PTPRD: variants seen among roughly 807,000 people sequenced by gnomAD.
The protein encoded by PTPRD is protein tyrosine phosphatase receptor type D, also known as receptor-type tyrosine-protein phosphatase delta.
PTPRD carries 34 observed loss-of-function variants against 214.5 expected under a neutral mutation model. The observed-to-expected ratio is 0.16, with a 90% CI of 0.12 to 0.21. PTPRD has a LOEUF of 0.21. Ranked by LOEUF, PTPRD falls within the 10% of genes least tolerant of loss-of-function variation. The pLI, the probability that PTPRD is intolerant of heterozygous loss-of-function variation, is 1.00. For synonymous variants in PTPRD, 1,128 were observed against 845.7 expected (o/e 1.33, Z -5.79); for missense variants, 2,545 against 2,398.7 (o/e 1.06, Z -1.27).
rs191156158 is a variant in PTPRD, at chr9:8,676,194, T to G, written c.65-39350A>C. 4.6e-5 allele frequency among the ~76,000 whole-genome samples: 7 copies of G among 152,266 alleles called. No homozygotes were observed. In the East Asian group the frequency reaches 1.4e-3, roughly 29 times the overall value. Reference sequence around the variant, plus strand: ...GTTTGCCTAGCTCACTTTCTAGACCTCCTTTAAGCATCACCTTCTTCATGA... The same window carrying G: ...GTTTGCCTAGCTCACTTTCTAGACCGCCTTTAAGCATCACCTTCTTCATGA... On this transcript the variant is annotated intron_variant, in intron 12 of 45. Transcript: ENST00000381196.
At chr9:8,458,058 G>A (rs2096266903) in intron 33 of PTPRD, among the ~76,000 whole-genome samples, 1 of 152,090 alleles carries the variant, frequency 6.6e-6, no homozygotes, top group Non-Finnish European at 1.5e-5. Flanking sequence ...TTTCAGAAAT[G>A]CTTCATGGGC....
chr9:9,011,799 C>T (rs529067724), intron 11 of PTPRD, among the ~76,000 whole-genome samples: 19 of 152,282 alleles, frequency 1.2e-4, no homozygotes, highest in African/African-American at 4.1e-4. Flanking sequence ...AGGGAAGGCC[C>T]TGGCACTGGT....
At chr9:10,149,566 G>T (rs1045841127) in intron 3 of PTPRD, among the ~76,000 whole-genome samples, 8 of 152,154 alleles carry the variant, frequency 5.3e-5, no homozygotes, top group African/African-American at 1.9e-4. Flanking sequence ...TCGTACTCCT[G>T]CCTAGTCCCC....
chr9:8,926,301 C>A (rs2098891762), intron 11 of PTPRD, among the ~76,000 whole-genome samples: 1 of 152,042 alleles, frequency 6.6e-6, no homozygotes, highest in East Asian at 1.9e-4. Context: ...GTATAGGTTG[C>A]CTATTACACA....
At chr9:8,534,093 T>C (rs1196981036) in intron 14 of PTPRD, among the ~76,000 whole-genome samples, 1 of 152,048 alleles carries the variant, frequency 6.6e-6, no homozygotes, top group African/African-American at 2.4e-5. Context: ...GCAAGTGATT[T>C]TCCTTCCATT....
intron 14 of PTPRD, among the ~76,000 whole-genome samples, chr9:8,622,285 T>C (rs986851975): frequency 6.6e-6 from 1 of 151,952 alleles, no homozygotes; most frequent in Admixed American, 6.6e-5. Flanking sequence ...ACAATTTTTC[T>C]CTCAGAACAT....
At chr9:8,326,158 G>C (rs1833507852) in intron 44 of PTPRD, among the ~76,000 whole-genome samples, 1 of 152,222 alleles carries the variant, frequency 6.6e-6, no homozygotes, top group African/African-American at 2.4e-5. Flanking sequence ...ACTTTTCAAA[G>C]GGAGTGCTTC....
intron 8 of PTPRD, among the ~76,000 whole-genome samples, chr9:9,486,496 T>C (rs926031000): frequency 1.3e-5 from 2 of 152,202 alleles, no homozygotes; most frequent in Non-Finnish European, 2.9e-5. Context: ...TTTAGACACA[T>C]ACACTCTTAT....
intron 11 of PTPRD, among the ~76,000 whole-genome samples, chr9:8,895,027 A>G (rs1203737626): frequency 6.6e-6 from 1 of 152,224 alleles, no homozygotes; most frequent in African/African-American, 2.4e-5. Flanking sequence ...TATTGTCACA[A>G]GCTTTATCTT....
chr9:8,948,437 T>TTATATATA (rs1343672112), intron 11 of PTPRD, among the ~76,000 whole-genome samples: 1 of 20,110 alleles, frequency 5.0e-5, no homozygotes, highest in Non-Finnish European at 8.4e-5. Context: ...ATATATATAT[T>TTATATATA]TACATATATA....
chr9:10,022,449 C>T (rs2154119784), intron 4 of PTPRD, among the ~76,000 whole-genome samples: 1 of 151,392 alleles, frequency 6.6e-6, no homozygotes, highest in East Asian at 2.0e-4. Context: ...CAGAGAATCA[C>T]TTTCCCTTTC....
chr9:10,601,854 T>G (rs911009865), intron 2 of PTPRD, among the ~76,000 whole-genome samples: 1 of 151,764 alleles, frequency 6.6e-6, no homozygotes, highest in Non-Finnish European at 1.5e-5. Flanking sequence ...GCATATTTTC[T>G]ACTCCTTAAT....
At chr9:8,385,198 G>A (rs185615434) in intron 37 of PTPRD, among the ~76,000 whole-genome samples, 6 of 152,240 alleles carry the variant, frequency 3.9e-5, no homozygotes, top group Middle Eastern at 6.8e-3. Context: ...TAATACAAGC[G>A]CTGTTGATAA....
At chr9:9,228,725 G>T (rs893978725) in intron 9 of PTPRD, among the ~76,000 whole-genome samples, 1 of 152,098 alleles carries the variant, frequency 6.6e-6, no homozygotes, top group Non-Finnish European at 1.5e-5. Flanking sequence ...ACGTCATTAT[G>T]TATTTCAAAT....
intron 11 of PTPRD, among the ~76,000 whole-genome samples, chr9:8,735,974 T>A (rs1475154429): frequency 6.6e-6 from 1 of 150,794 alleles, no homozygotes. Context: ...GAGCCTTGGA[T>A]GGCGATCTAA....
chr9:9,241,510 G>C (rs1336959670), intron 9 of PTPRD, among the ~76,000 whole-genome samples: 1 of 152,060 alleles, frequency 6.6e-6, no homozygotes, highest in Non-Finnish European at 1.5e-5. Context: ...ACTTCAGAAA[G>C]GCAAGAAAGC....
At chr9:9,453,961 A>T (rs766100369) in intron 8 of PTPRD, among the ~76,000 whole-genome samples, 1 of 151,568 alleles carries the variant, frequency 6.6e-6, no homozygotes, top group Non-Finnish European at 1.5e-5. Flanking sequence ...CCAGTACTTC[A>T]TTTCTCTATA....
At chr9:10,243,552 T>A (rs761836731) in intron 3 of PTPRD, among the ~76,000 whole-genome samples, 1 of 152,030 alleles carries the variant, frequency 6.6e-6, no homozygotes, top group Non-Finnish European at 1.5e-5. Context: ...ATCAACATTC[T>A]ATATTCTATT....
chr9:8,756,052 A>C (rs60115266), intron 11 of PTPRD, among the ~76,000 whole-genome samples: 31 of 152,296 alleles, frequency 2.0e-4, no homozygotes, highest in African/African-American at 7.5e-4. Flanking sequence ...GGTAGAGGAA[A>C]AGATAATGAA....
Sources: allele counts gnomAD v4.1 joint callset (sites outside exome capture counted in the v4.1 genomes callset), GRCh38; gene constraint gnomAD v4.1.1; transcripts MANE v1.5; gene names NCBI Gene and HGNC (gene_info 2026-07-23, HGNC 2026-07-21).